TXNDC16: variants seen among roughly 807,000 people sequenced by gnomAD.
TXNDC16 encodes thioredoxin domain-containing protein 16.
A neutral mutation model predicts 85.6 loss-of-function variants in TXNDC16; 74 were observed. That is an observed-to-expected ratio of 0.86 (90% CI 0.72 to 1.05). The LOEUF is 1.05. Ranked by LOEUF, TXNDC16 falls within the 50% of genes least tolerant of loss-of-function variation. The pLI is 0.00. For synonymous variants in TXNDC16, 335 were observed against 326.5 expected, an observed-to-expected ratio of 1.03 and a Z score of -0.28; for missense variants, 959 against 947.0, an observed-to-expected ratio of 1.01 and a Z score of -0.17.
intron 12 of TXNDC16, among the ~76,000 whole-genome samples, chr14:52,484,813 G>A (rs2036230945): frequency 6.6e-6 from 1 of 152,078 alleles, no homozygotes; most frequent in African/African-American, 2.4e-5. Flanking sequence ...CCCAGGAGGT[G>A]GAGGTTGCAG....
chr14:52,509,526 A>AAATG (rs892538621), intron 9 of TXNDC16, among the ~76,000 whole-genome samples: 1 of 151,996 alleles, frequency 6.6e-6, no homozygotes, highest in African/African-American at 2.4e-5. Context: ...TCAAAATGCA[A>AAATG]CCACAGAAAA....
intron 19 of TXNDC16, 44 bp downstream of exon 19, chr14:52,440,520 A>ACTTTCTTTAC: frequency 6.9e-7 from 1 of 1,443,380 alleles, no homozygotes; most frequent in East Asian, 2.5e-5. Context: ...AATAATTATT[A>ACTTTCTTTAC]CTTTCTTTAC....
At chr14:52,463,943 C>T (rs746805748) in intron 16 of TXNDC16, among the ~76,000 whole-genome samples, 8 of 152,146 alleles carry the variant, frequency 5.3e-5, no homozygotes, top group East Asian at 1.9e-4. Context: ...TAAAAAGGAA[C>T]GAATATCTAA....
rs563703119 is a variant in TXNDC16, at chr14:52,528,827, C to T, written c.392+7892G>A. 4.2e-3 allele frequency among the ~76,000 whole-genome samples: 575 copies of T among 137,608 alleles called. 3 individuals are homozygous for T. The highest frequency in any genetic ancestry group is 6.9e-3 in the Non-Finnish European group (442 of 64,062). The allele number at this position is 137,608 out of a possible 152,430, so 90.3% of individuals were successfully genotyped here. On this transcript the variant is annotated intron_variant, in intron 6 of 20. Transcript: ENST00000281741. Reference sequence around the variant, plus strand: ...TCATATACTGGTATATATATTATACCTAGGTATATATATATATATGTGTGT... The same window carrying T: ...TCATATACTGGTATATATATTATACTTAGGTATATATATATATATGTGTGT...
At chr14:52,450,888 C>A (rs759477089) in intron 18 of TXNDC16, among the ~76,000 whole-genome samples, 213 of 150,404 alleles carry the variant, frequency 1.4e-3, no homozygotes, top group South Asian at 7.6e-3. Flanking sequence ...TATACACACA[C>A]ACACACATAC....
At chr14:52,434,857 C>T (rs2034989587) in intron 20 of TXNDC16, among the ~76,000 whole-genome samples, 1 of 152,066 alleles carries the variant, frequency 6.6e-6, no homozygotes, top group Non-Finnish European at 1.5e-5. Flanking sequence ...AGAATAGGAG[C>T]AGTGATGCAT....
intron 4 of TXNDC16, among the ~76,000 whole-genome samples, chr14:52,540,880 A>C (rs942705649): frequency 3.9e-5 from 6 of 152,136 alleles, no homozygotes; most frequent in African/African-American, 1.4e-4. Context: ...GCACTCAACA[A>C]AGGTTTATCT....
rs761008122 is a variant in TXNDC16, at chr14:52,493,215, A to ATATATATATATATATATATAT, written c.757-2211_757-2210insATATATATATATATATATATA. Among the ~76,000 whole-genome samples, 391 of 120,874 alleles carry ATATATATATATATATATATAT rather than the reference A, an allele frequency of 3.2e-3. 8 individuals are homozygous for ATATATATATATATATATATAT. In the East Asian group the frequency reaches 0.047, roughly 15 times the overall value. The allele number at this position is 120,874 out of a possible 152,430, so 79.3% of individuals were successfully genotyped here. On this transcript the variant is annotated intron_variant, in intron 9 of 20. Transcript: ENST00000281741. ...GTTCTATATATATATATATATATAT[A>ATATATATATATATATATATAT]TACACACACACACACACACATATTT...
intron 14 of TXNDC16, among the ~76,000 whole-genome samples, chr14:52,481,136 A>C (rs1173866010): frequency 5.3e-5 from 8 of 151,844 alleles, no homozygotes; most frequent in Non-Finnish European, 1.0e-4. Flanking sequence ...TTGGGAGCTA[A>C]GCTATGAGGA....
intron 7 of TXNDC16, 42 bp downstream of exon 7, chr14:52,519,130 T>G: frequency 1.3e-6 from 2 of 1,586,712 alleles, no homozygotes; most frequent in Non-Finnish European, 1.7e-6. Flanking sequence ...CATACATAAG[T>G]ACAGAGGCAC....
At chr14:52,453,491 G>A (rs758592545) in intron 18 of TXNDC16, among the ~76,000 whole-genome samples, 31 of 151,960 alleles carry the variant, frequency 2.0e-4, no homozygotes, top group Non-Finnish European at 3.5e-4. Context: ...ATACTATTCC[G>A]TCATAAAAAA....
chr14:52,529,932 TTATA>T (rs1458170687), intron 6 of TXNDC16, among the ~76,000 whole-genome samples: 1 of 106,000 alleles, frequency 9.4e-6, no homozygotes. Flanking sequence ...ATTATATATA[TTATA>T]TATATGAATT....
chr14:52,536,488 G>A (rs2037703264), intron 6 of TXNDC16, among the ~76,000 whole-genome samples: 1 of 152,160 alleles, frequency 6.6e-6, no homozygotes, highest in Non-Finnish European at 1.5e-5. Flanking sequence ...ATGTGGTTTT[G>A]TTGAGTCATC....
In TXNDC16 at chr14:52,441,573, C is replaced by T. The variant is rs2035166379; in HGVS notation, c.1843-849G>A. On this transcript the variant is annotated intron_variant, in intron 18 of 20. Transcript: ENST00000281741. ...GCAGTGAGCCGAGATTGTTCCACAG[C>T]ACTTCAGCCTGAGCAACAGAGTGAG... Among the ~76,000 whole-genome samples, 3 of 151,304 alleles carry T rather than the reference C, an allele frequency of 2.0e-5. No individual in the cohort carries two copies. The South Asian group carries it at 6.2e-4, about 31-fold the overall frequency.
chr14:52,460,483 T>C (rs557069421), intron 16 of TXNDC16, among the ~76,000 whole-genome samples: 1 of 152,348 alleles, frequency 6.6e-6, no homozygotes, highest in East Asian at 1.9e-4. Context: ...ACAATGTTTT[T>C]CATGTAATTT....
chr14:52,500,230 T>C (rs2036624666), intron 9 of TXNDC16, among the ~76,000 whole-genome samples: 3 of 152,168 alleles, frequency 2.0e-5, no homozygotes, highest in South Asian at 4.1e-4. Context: ...GATGAATGGA[T>C]AAATAAAATG....
Position 52,511,377 on chromosome 14 carries a change from C to G in TXNDC16, c.619G>C (p.Glu207Gln), listed in dbSNP as rs749732736. The G allele has an allele frequency of 2.5e-6, 4 of 1,585,408 alleles. No individual in the cohort carries two copies. Among genetic ancestry groups the G allele is most frequent in the Non-Finnish European group, 3.4e-6 (4 of 1,162,180 alleles). Residue 207 changes from glutamate (E) to glutamine (Q), a missense_variant, in exon 9 of 21, where the codon GAA (glutamate) becomes CAA (glutamine). Physicochemically the swap from Glu to Gln is conservative, Grantham distance 29 (BLOSUM62 2). Coordinates refer to ENST00000281741, the MANE Select transcript of TXNDC16 (RefSeq NM_020784.3). Reference protein sequence around the residue: ...LLESIGSEDVEYAHLYFFHCK... With the variant: ...LLESIGSEDVQYAHLYFFHCK... ...TGAAAAAAGTAGAGATGTGCATATT[C>G]CACATCCTCAGAGCTACAAATTAAA... is the stretch of plus-strand genomic sequence containing the variant.
At chr14:52,548,950 C>T (rs1289320016) in intron 1 of TXNDC16, among the ~76,000 whole-genome samples, 2 of 152,146 alleles carry the variant, frequency 1.3e-5, no homozygotes, top group Non-Finnish European at 2.9e-5. Context: ...CAGTATAACC[C>T]AGTCTAGCAC....
chr14:52,469,926 C>T (rs1165718636), intron 16 of TXNDC16, 111 bp downstream of exon 16: 1 of 1,075,456 alleles, frequency 9.3e-7, no homozygotes, highest in Non-Finnish European at 1.3e-6. Context: ...TTTCTTCAAA[C>T]TTCTCCATAA....
Sources: allele counts gnomAD v4.1 joint callset (sites outside exome capture counted in the v4.1 genomes callset), GRCh38; gene constraint gnomAD v4.1.1; transcripts MANE v1.5; gene names NCBI Gene and HGNC (gene_info 2026-07-23, HGNC 2026-07-21).